ENO4: variants seen among roughly 807,000 people sequenced by gnomAD.
ENO4 encodes 2-phospho-D-glycerate hydro-lyase.
ENO4 carries 53 observed loss-of-function variants against 63.2 expected under a neutral mutation model. That is an observed-to-expected ratio of 0.84 (90% CI 0.67 to 1.05). The LOEUF (loss-of-function observed/expected upper bound fraction) is 1.05, where lower values mean the gene tolerates loss of function less well. ENO4 is among the 50% of genes least tolerant of loss of function. ENO4 has a pLI of 0.00. For missense variants in ENO4, 719 were observed against 772.0 expected, an observed-to-expected ratio of 0.93 and a Z score of 0.81; for synonymous variants, 266 against 283.8, an observed-to-expected ratio of 0.94 and a Z score of 0.63.
chr10:116,892,117 T>C (rs1847358065), intron 10 of ENO4, among the ~76,000 whole-genome samples: 1 of 152,216 alleles, frequency 6.6e-6, no homozygotes, highest in African/African-American at 2.4e-5. Flanking sequence ...TGCTCAGCAA[T>C]ATTTTCTTTA....
intron 10 of ENO4, chr10:116,902,084 G>T: frequency 1.3e-6 from 1 of 795,852 alleles, no homozygotes; most frequent in Non-Finnish European, 1.9e-6. Context: ...AATTTCAAGA[G>T]CATGCTGGAA....
intron 9 of ENO4, among the ~76,000 whole-genome samples, chr10:116,873,139 G>A (rs377719773): frequency 7.2e-5 from 11 of 152,216 alleles, no homozygotes; most frequent in Middle Eastern, 6.8e-3. Flanking sequence ...AATCATTAGC[G>A]TTTCCTCACT....
At chr10:116,884,785 C>A (rs547101763), downstream of ENO4, 11 of 157,538 alleles carry the variant, frequency 7.0e-5, no homozygotes, top group South Asian at 2.0e-3. Context: ...ATAATAACCA[C>A]AACTGACCCT....
rs1369542717 is a variant in ENO4, at chr10:116,861,170, C to A, written c.916C>A (p.Pro306Thr). The A allele has an allele frequency of 2.0e-6, 3 of 1,511,002 alleles. No individual in the cohort carries two copies. The highest frequency in any genetic ancestry group is 2.8e-5 in the African/African-American group (2 of 71,350). 93.6% of individuals were successfully genotyped at this position (1,511,002 alleles called of 1,614,324 possible). A position where few individuals can be genotyped will look rare whatever the true frequency, so the allele number is the denominator to read the frequency against. Residue 306 changes from proline to threonine, a missense_variant, in exon 6 of 14, where the codon CCT (proline) becomes ACT (threonine). Physicochemically the swap from Pro to Thr is conservative, Grantham distance 38. This residue lies in a region of ENO4 where 544 missense variants were observed against 583.6 expected (regional missense o/e 0.93). Coordinates refer to ENST00000341276, the MANE Select transcript of ENO4 (RefSeq NM_001242699.2). The stretch of plus-strand genomic sequence containing the variant: ...GAAAGAAGTGATTTGTATACCCCAT[C>A]CTGAATTAACAACCAAACAAGTACC... ...LMKEVICIPHPELTTKQGVEM... is the reference protein window; with the variant it reads ...LMKEVICIPHTELTTKQGVEM...
intron 1 of ENO4, among the ~76,000 whole-genome samples, 158 bp from the exon 2 acceptor site, chr10:116,855,465 T>A (rs1846235604): frequency 6.6e-6 from 1 of 152,170 alleles, no homozygotes; most frequent in Admixed American, 6.5e-5. Context: ...ACTGCTAGTC[T>A]AATCCTGGCA....
chr10:116,856,946 G>A lies in ENO4; in HGVS notation c.485+264G>A, dbSNP rs1234796999. ...GGAGCTTGCAGTGAGCTGAGATCGC[G>A]CCACTGGACTCCAGCCTGGGCGACA... On this transcript the variant is annotated intron_variant, in intron 3 of 13. Coordinates refer to ENST00000341276, the MANE Select transcript of ENO4 (RefSeq NM_001242699.2). Among the ~76,000 whole-genome samples the A allele has an allele frequency of 2.0e-5, 3 of 150,672 alleles. No individual in the cohort carries two copies. In the South Asian group the frequency reaches 6.3e-4, roughly 31 times the overall value.
At chr10:116,911,749 T>A (rs772511202) in exon 11 of ENO4, 3 of 1,581,100 alleles carry the variant, frequency 1.9e-6, no homozygotes, top group Admixed American at 3.4e-5. Context: ...TCTCCTTTCA[T>A]TTCCCCATTA....
intron 7 of ENO4, among the ~76,000 whole-genome samples, chr10:116,866,779 T>G (rs1417369543): frequency 1.3e-5 from 2 of 150,632 alleles, no homozygotes; most frequent in African/African-American, 4.9e-5. Context: ...CACTCCAGCC[T>G]GGGTGACAGA....
intron 9 of ENO4, among the ~76,000 whole-genome samples, chr10:116,871,789 A>G (rs1295820638): frequency 2.0e-5 from 3 of 152,232 alleles, no homozygotes; most frequent in African/African-American, 7.2e-5. Context: ...TCACAGTGTT[A>G]TCCACAGCCT....
chr10:116,873,059 A>G (rs1846740029), intron 9 of ENO4, among the ~76,000 whole-genome samples: 1 of 152,224 alleles, frequency 6.6e-6, no homozygotes, highest in African/African-American at 2.4e-5. Flanking sequence ...TAGAATGGGT[A>G]TTTATTGCTT....
At position 116,859,147 on chromosome 10, in the gene ENO4, G is replaced by A. The variant is rs1334336172; in HGVS notation, c.634+9G>A. The A allele has an allele frequency of 1.3e-6, 2 of 1,526,958 alleles. No homozygotes were observed. Among genetic ancestry groups the A allele is most frequent in the Non-Finnish European group, 1.7e-6 (2 of 1,142,916 alleles). 94.6% of individuals were successfully genotyped at this position (1,526,958 alleles called of 1,614,324 possible). On this transcript the variant is annotated intron_variant, in intron 4 of 13. Transcript: ENST00000341276. ...AAAGGGGCAAAAGCCAGGTTGGTTG[G>A]TGACTTATCTTGCAGAGTCGTTAGT...
In ENO4 at chr10:116,856,739, C is replaced by A. The variant is rs138188097; in HGVS notation, c.485+57C>A. On this transcript the variant is annotated intron_variant, in intron 3 of 13. Transcript: ENST00000341276. ...AGTACAAGCCGGGCACAGTGGCTCA[C>A]GCCTGTAATCCCAGCACTTTGGGAG... The A allele has an allele frequency of 1.1e-3, 1,472 of 1,384,384 alleles. 4 individuals are homozygous for A. The highest frequency in any genetic ancestry group is 2.8e-3 in the Admixed American group (105 of 36,854). 85.8% of individuals were successfully genotyped at this position (1,384,384 alleles called of 1,614,324 possible).
At position 116,859,105 on chromosome 10, in the gene ENO4, C is replaced by T; in HGVS notation, c.601C>T (p.Pro201Ser). 6.5e-7 allele frequency: 1 copy of T among 1,532,096 alleles called. No homozygotes were observed. 94.9% of individuals were successfully genotyped at this position (1,532,096 alleles called of 1,614,324 possible). A position where few individuals can be genotyped will look rare whatever the true frequency, so the allele number is the denominator to read the frequency against. Residue 201 changes from proline (P) to serine (S), a missense_variant, in exon 4 of 14, where the codon CCA becomes TCA. By Grantham distance (74) the Pro-to-Ser change is moderately conservative. Coordinates refer to ENST00000341276, the MANE Select transcript of ENO4 (RefSeq NM_001242699.2). ...TCCAGTACCACCACCACCACCCCCTCCACCTCCTACCAAAAAAAAGGGGCA... is the reference window on the plus strand; with the variant it reads ...TCCAGTACCACCACCACCACCCCCTTCACCTCCTACCAAAAAAAAGGGGCA... ...LPPVPPPPPP[P>S]PPTKKKGQKP...
chr10:116,877,425 T>A (rs1484940096), intron 11 of ENO4, among the ~76,000 whole-genome samples: 1 of 152,156 alleles, frequency 6.6e-6, no homozygotes. Context: ...TGGGGAAGTC[T>A]AGGAGGGATC....
Position 116,856,661 on chromosome 10 carries a change from C to T in ENO4, c.464C>T (p.Ala155Val). ...CAGGGGATGGCACCCTCTGACCAGGCAGAGGTGGATCACCTACTCAGGTAC... is the reference window on the plus strand; with the variant it reads ...CAGGGGATGGCACCCTCTGACCAGGTAGAGGTGGATCACCTACTCAGGTAC... ...ELQGMAPSDQ[A>V]EVDHLLRIFF... Residue 155 changes from alanine (A) to valine (V), a missense_variant, in exon 3 of 14, where the codon GCA (alanine) becomes GTA (valine). Physicochemically the swap from Ala to Val is moderately conservative, Grantham distance 64. Coordinates refer to ENST00000341276, the MANE Select transcript of ENO4 (RefSeq NM_001242699.2). 2.0e-6 allele frequency: 3 copies of T among 1,531,918 alleles called. No homozygotes were observed. Among genetic ancestry groups the T allele is most frequent in the Non-Finnish European group, 2.6e-6 (3 of 1,145,312 alleles). 94.9% of individuals were successfully genotyped at this position (1,531,918 alleles called of 1,614,324 possible).
intron 10 of ENO4, among the ~76,000 whole-genome samples, chr10:116,904,969 A>T (rs898537225): frequency 1.3e-4 from 20 of 151,954 alleles, no homozygotes; most frequent in African/African-American, 4.6e-4. Context: ...TGGGAGGCCG[A>T]GGCGGGTGGA....
intron 10 of ENO4, chr10:116,906,622 C>G: frequency 6.2e-7 from 1 of 1,609,632 alleles, no homozygotes; most frequent in Non-Finnish European, 8.5e-7. Context: ...TTCAAACCGG[C>G]TTACTACTGC....
At position 116,859,122 on chromosome 10, in the gene ENO4, A is replaced by T; in HGVS notation, c.618A>T (p.Lys206Asn). 6.5e-7 allele frequency: 1 copy of T among 1,529,990 alleles called. No individual in the cohort carries two copies. Among genetic ancestry groups the T allele is most frequent in the Non-Finnish European group, 8.7e-7 (1 of 1,144,418 alleles). 94.8% of individuals were successfully genotyped at this position (1,529,990 alleles called of 1,614,324 possible). Residue 206 changes from lysine (K) to asparagine (N), a missense_variant, in exon 4 of 14, where the codon AAA becomes AAT. Lys to Asn is a moderately conservative substitution (Grantham distance 94). Around this residue, in one of 3 missense-constraint regions of ENO4, gnomAD observed 544 missense variants for 583.6 expected, o/e 0.93. Coordinates refer to ENST00000341276, the MANE Select transcript of ENO4 (RefSeq NM_001242699.2). ...CACCCCCTCCACCTCCTACCAAAAAAAAGGGGCAAAAGCCAGGTTGGTTGG... is the reference window on the plus strand; with the variant it reads ...CACCCCCTCCACCTCCTACCAAAAATAAGGGGCAAAAGCCAGGTTGGTTGG... ...PPPPPPPPTKKKGQKPGRKDT... is the reference protein window; with the variant it reads ...PPPPPPPPTKNKGQKPGRKDT...
At chr10:116,888,094 A>C (rs911028016) in intron 10 of ENO4, among the ~76,000 whole-genome samples, 40 of 152,228 alleles carry the variant, frequency 2.6e-4, no homozygotes, top group African/African-American at 9.2e-4. Flanking sequence ...CCTAAGTGAC[A>C]AACACTATGT....
Sources: allele counts gnomAD v4.1 joint callset (sites outside exome capture counted in the v4.1 genomes callset), GRCh38; gene constraint gnomAD v4.1.1; regional missense constraint gnomAD v4.1.1; transcripts MANE v1.5; gene names NCBI Gene and HGNC (gene_info 2026-07-23, HGNC 2026-07-21).